The following STK33 variants were observed in gnomAD, a reference collection of about 807,000 sequenced individuals.
STK33 encodes the protein serine/threonine kinase 33, also known as serine/threonine-protein kinase 33.
A neutral mutation model predicts 58.0 loss-of-function variants in STK33; 52 were observed. The ratio of observed to expected loss-of-function variants is 0.90; its 90% CI spans 0.72 to 1.13. STK33 has a LOEUF of 1.13. STK33 is among the 50% of genes most tolerant of loss of function. The pLI, the probability that STK33 is intolerant of heterozygous loss-of-function variation, is 0.00. For synonymous variants in STK33, 215 were observed against 200.1 expected (o/e 1.07, Z -0.63); for missense variants, 630 against 604.2 (o/e 1.04, Z -0.45).
At chr11:8,515,253 T>C (rs957395435) in intron 1 of STK33, among the ~76,000 whole-genome samples, 2 of 151,868 alleles carry the variant, frequency 1.3e-5, no homozygotes, top group Non-Finnish European at 1.5e-5. Flanking sequence ...GCTACAGAAA[T>C]AAAAAGAATC....
chr11:8,390,467 T>C (rs1848605060), downstream of STK33, among the ~76,000 whole-genome samples: 2 of 152,136 alleles, frequency 1.3e-5, no homozygotes, highest in Admixed American at 6.5e-5. Context: ...GAAGGCCATA[T>C]ATCCCCAGAC....
At chr11:8,337,645 CGG>C in the STK33 span, among the ~76,000 whole-genome samples, 378 of 87,860 alleles carry the variant, frequency 4.3e-3, 5 homozygotes, top group African/African-American at 0.017. Context: ...CGGCGGGGGG[CGG>C]GGGGGGGGCC....
chr11:8,370,530 T>C, the STK33 span, among the ~76,000 whole-genome samples: 1 of 152,182 alleles, frequency 6.6e-6, no homozygotes. Flanking sequence ...TCCCTGGTGC[T>C]TTCTCCACTT....
intron 1 of STK33, among the ~76,000 whole-genome samples, chr11:8,483,185 T>C (rs1949958422): frequency 6.6e-6 from 1 of 151,606 alleles, no homozygotes; most frequent in African/African-American, 2.4e-5. Context: ...TCAAACTAAG[T>C]CACAAGGAAT....
At chr11:8,555,563 G>A (rs1381031060) in intron 1 of STK33, among the ~76,000 whole-genome samples, 1 of 152,076 alleles carries the variant, frequency 6.6e-6, no homozygotes, top group Non-Finnish European at 1.5e-5. Flanking sequence ...TACTCGGGAG[G>A]CTGAGGTGAG....
intron 1 of STK33, among the ~76,000 whole-genome samples, chr11:8,487,340 T>C (rs1319376755): frequency 3.3e-4 from 49 of 149,058 alleles, no homozygotes; most frequent in Non-Finnish European, 1.5e-5. Flanking sequence ...GAGGATCACC[T>C]GAGCCCAGGA....
At chr11:8,395,627 C>A (rs776327371) in intron 15 of STK33, among the ~76,000 whole-genome samples, 1 of 152,120 alleles carries the variant, frequency 6.6e-6, no homozygotes, top group Non-Finnish European at 1.5e-5. Context: ...CATGTCAATT[C>A]ATAGAAAGAA....
At chr11:8,589,164 A>G (rs2032198065) in intron 1 of STK33, among the ~76,000 whole-genome samples, 1 of 152,204 alleles carries the variant, frequency 6.6e-6, no homozygotes, top group Non-Finnish European at 1.5e-5. Flanking sequence ...CCACTCCTAG[A>G]GAACCCAGAA....
intron 12 of STK33, among the ~76,000 whole-genome samples, chr11:8,436,889 G>A (rs767687554): frequency 1.3e-5 from 2 of 152,058 alleles, no homozygotes; most frequent in African/African-American, 2.4e-5. Flanking sequence ...GTACAGACAG[G>A]GTTTCACCAT....
rs1410965317 is a variant in STK33, at chr11:8,399,376, A to G, written c.1345-6666T>C. 2.2e-5 allele frequency among the ~76,000 whole-genome samples: 3 copies of G among 135,318 alleles called. No individual in the cohort carries two copies. In the Admixed American group the frequency reaches 2.4e-4, roughly 11 times the overall value. 88.8% of individuals were successfully genotyped at this position (135,318 alleles called of 152,430 possible). On this transcript the variant is annotated intron_variant, in intron 15 of 15. Transcript: ENST00000687296. ...CTGCTCCTGAATGACTACTGGGTAC[A>G]TAACGAAATGAAGGCAGAAATAAAG...
chr11:8,456,077 T>C lies in STK33; in HGVS notation c.698-1245A>G, dbSNP rs557621695. ...CCTCCATTGTTCTTCTTTTTCATTG[T>C]TGGCTATTTTTACCCATTTGAGAAT... On this transcript the variant is annotated intron_variant, in intron 9 of 15. Transcript: ENST00000687296. Among the ~76,000 whole-genome samples, 5 of 152,332 alleles carry C rather than the reference T, an allele frequency of 3.3e-5. No homozygotes were observed. The East Asian group carries it at 9.6e-4, about 29-fold the overall frequency.
chr11:8,382,395 G>A, the STK33 span, among the ~76,000 whole-genome samples: 2 of 152,232 alleles, frequency 1.3e-5, no homozygotes, highest in African/African-American at 2.4e-5. Flanking sequence ...CTGAGCCTCT[G>A]CCTCAGGCAA....
intron 1 of STK33, among the ~76,000 whole-genome samples, chr11:8,539,547 T>A (rs1955337152): frequency 6.6e-6 from 1 of 152,224 alleles, no homozygotes; most frequent in South Asian, 2.1e-4. Context: ...TCACTTTTGA[T>A]CTGAAACAAT....
chr11:8,419,442 T>G (rs1941601609), intron 14 of STK33, among the ~76,000 whole-genome samples: 1 of 152,218 alleles, frequency 6.6e-6, no homozygotes, highest in South Asian at 2.1e-4. Flanking sequence ...TTGGTCTATG[T>G]GTCTGTTCTT....
At chr11:8,358,990 A>G in the STK33 span, among the ~76,000 whole-genome samples, 2 of 152,214 alleles carry the variant, frequency 1.3e-5, no homozygotes, top group African/African-American at 4.8e-5. Context: ...GGATGAGCCC[A>G]CAGTAACAGG....
At chr11:8,547,284 G>A (rs774635145) in intron 1 of STK33, among the ~76,000 whole-genome samples, 6 of 152,088 alleles carry the variant, frequency 3.9e-5, no homozygotes, top group Middle Eastern at 3.2e-3. Flanking sequence ...GTGCAATCTC[G>A]GCTCACTGAA....
chr11:8,446,549 A>G (rs1018929947), intron 11 of STK33, among the ~76,000 whole-genome samples: 2 of 152,068 alleles, frequency 1.3e-5, no homozygotes, highest in Non-Finnish European at 2.9e-5. Context: ...GAGGCATCAT[A>G]CTACCTGACT....
chr11:8,407,382 TATTCTC>T (rs1332740957), intron 15 of STK33, among the ~76,000 whole-genome samples: 6 of 152,124 alleles, frequency 3.9e-5, no homozygotes, highest in Admixed American at 1.3e-4. Flanking sequence ...AGTTGGGAAA[TATTCTC>T]AAGAGTTGGT....
the STK33 span, among the ~76,000 whole-genome samples, chr11:8,373,404 T>C: frequency 6.6e-6 from 1 of 152,038 alleles, no homozygotes; most frequent in African/African-American, 2.4e-5. Flanking sequence ...ATAGGACACG[T>C]CAGCCTCTAC....
Sources: gnomAD v4.1 joint callset for allele counts (sites outside exome capture counted in the v4.1 genomes callset) on GRCh38, gnomAD v4.1.1 for gene constraint, MANE v1.5 for transcripts, NCBI Gene and HGNC (gene_info 2026-07-23, HGNC 2026-07-21) for gene names.